The following NARS2 variants were observed in gnomAD, a reference collection of about 807,000 sequenced individuals.
NARS2 encodes asparaginyl-tRNA synthetase 2, mitochondrial, also known as asparaginyl-tRNA synthetase.
NARS2 carries 60 observed loss-of-function variants against 62.9 expected under a neutral mutation model. The ratio of observed to expected loss-of-function variants is 0.95; its 90% CI spans 0.77 to 1.18. The LOEUF is 1.18. Among genes scored for constraint, NARS2 ranks in the 50% most tolerant of loss-of-function variants. The pLI, the probability that NARS2 is intolerant of heterozygous loss-of-function variation, is 0.00. For missense variants in NARS2, 619 were observed against 576.4 expected, an observed-to-expected ratio of 1.07 and a Z score of -0.76; for synonymous variants, 196 against 200.0, an observed-to-expected ratio of 0.98 and a Z score of 0.17.
At chr11:78,509,782 G>A (rs1202434045) in intron 6 of NARS2, among the ~76,000 whole-genome samples, 4 of 146,952 alleles carry the variant, frequency 2.7e-5, no homozygotes, top group Admixed American at 2.1e-4. Flanking sequence ...AGCTGGGATC[G>A]TGCCACTGCA....
intron 9 of NARS2, among the ~76,000 whole-genome samples, chr11:78,469,739 A>C (rs1374671643): frequency 5.3e-5 from 8 of 151,394 alleles, no homozygotes; most frequent in Non-Finnish European, 1.0e-4. Flanking sequence ...TCATGGAGAC[A>C]ATGTGCGTGC....
intron 9 of NARS2, among the ~76,000 whole-genome samples, chr11:78,469,911 G>C (rs565355513): frequency 1.3e-5 from 2 of 152,282 alleles, no homozygotes; most frequent in East Asian, 3.9e-4. Context: ...GTCAAGAAAG[G>C]CCTAAGTTTG....
chr11:78,517,666 A>G (rs576112366), intron 6 of NARS2, among the ~76,000 whole-genome samples: 1 of 152,202 alleles, frequency 6.6e-6, no homozygotes, highest in African/African-American at 2.4e-5. Context: ...GTGATACCCA[A>G]CCCCTGGTTA....
chr11:78,526,524 T>C lies in NARS2; in HGVS notation c.689+2318A>G, dbSNP rs1348533369. ...TCTTATTGGAGAATAAATCATACTT[T>C]AATCAAAAACATTATGTTCTGCATA... On this transcript the variant is annotated intron_variant, in intron 6 of 13. Coordinates refer to ENST00000281038, the MANE Select transcript of NARS2 (RefSeq NM_024678.6). Among the ~76,000 whole-genome samples the C allele has an allele frequency of 2.6e-5, 4 of 152,196 alleles. No homozygotes were observed. In the South Asian group the frequency reaches 8.3e-4, roughly 31 times the overall value.
At chr11:78,563,902 A>ATTATTATTATTATTG (rs1373420713) in intron 4 of NARS2, among the ~76,000 whole-genome samples, 1 of 125,774 alleles carries the variant, frequency 8.0e-6, no homozygotes, top group African/African-American at 2.9e-5. Flanking sequence ...TATTATTATT[A>ATTATTATTATTATTG]TTATTATTAT....
intron 6 of NARS2, among the ~76,000 whole-genome samples, chr11:78,504,557 T>C (rs527770523): frequency 1.3e-5 from 2 of 152,232 alleles, no homozygotes; most frequent in Non-Finnish European, 2.9e-5. Flanking sequence ...TTATTTGTTA[T>C]CAGCTTTTAC....
chr11:78,458,906 GTTTTT>G (rs897526853), intron 11 of NARS2, among the ~76,000 whole-genome samples: 1 of 146,942 alleles, frequency 6.8e-6, no homozygotes, highest in Admixed American at 6.8e-5. Context: ...CTGATGGTGG[GTTTTT>G]TTTTTGTTTG....
At chr11:78,463,036 CTTACT>C (rs1188504119) in intron 11 of NARS2, among the ~76,000 whole-genome samples, 1 of 152,002 alleles carries the variant, frequency 6.6e-6, no homozygotes, top group Non-Finnish European at 1.5e-5. Context: ...AAAATATATT[CTTACT>C]TTATATTATT....
At chr11:78,475,951 C>T (rs929349431) in intron 9 of NARS2, among the ~76,000 whole-genome samples, 16 of 151,964 alleles carry the variant, frequency 1.1e-4, no homozygotes, top group Admixed American at 6.6e-5. Context: ...TATCTCAGTG[C>T]GGTTTTAATT....
At chr11:78,563,679 A>G (rs1856627039) in intron 4 of NARS2, among the ~76,000 whole-genome samples, 1 of 148,194 alleles carries the variant, frequency 6.7e-6, no homozygotes, top group African/African-American at 2.5e-5. Flanking sequence ...AAAAATACAA[A>G]AATTAGCTGG....
intron 4 of NARS2, among the ~76,000 whole-genome samples, chr11:78,565,005 G>A (rs553272765): frequency 6.6e-6 from 1 of 152,258 alleles, no homozygotes; most frequent in Admixed American, 6.5e-5. Context: ...CAAATTAGGT[G>A]GATCTGGAGA....
chr11:78,509,990 A>G (rs1172452595), intron 6 of NARS2, among the ~76,000 whole-genome samples: 1 of 152,166 alleles, frequency 6.6e-6, no homozygotes, highest in Non-Finnish European at 1.5e-5. Flanking sequence ...GAATATATGC[A>G]AAAGAAAATA....
At chr11:78,443,256 G>C (rs1857633768) in intron 12 of NARS2, among the ~76,000 whole-genome samples, 1 of 150,872 alleles carries the variant, frequency 6.6e-6, no homozygotes, top group Non-Finnish European at 1.5e-5. Context: ...AACCCCGGGA[G>C]GCAGAGCTTG....
chr11:78,461,856 G>A (rs1414797265), intron 11 of NARS2, among the ~76,000 whole-genome samples: 2 of 151,858 alleles, frequency 1.3e-5, no homozygotes, highest in African/African-American at 2.4e-5. Context: ...GGGAGGCTGA[G>A]GCAGGAGAAT....
chr11:78,475,919 C>T (rs1448007430), intron 9 of NARS2, among the ~76,000 whole-genome samples: 2 of 152,088 alleles, frequency 1.3e-5, no homozygotes, highest in African/African-American at 4.8e-5. Context: ...TGATAACAGC[C>T]ATTCTAACAG....
At chr11:78,474,370 A>G (rs1282275388) in intron 9 of NARS2, among the ~76,000 whole-genome samples, 2 of 152,200 alleles carry the variant, frequency 1.3e-5, no homozygotes, top group African/African-American at 4.8e-5. Context: ...TAAAAAAATA[A>G]ATCAATGTTT....
chr11:78,459,930 T>C (rs977717318), intron 11 of NARS2, among the ~76,000 whole-genome samples: 4 of 152,226 alleles, frequency 2.6e-5, no homozygotes, highest in Admixed American at 6.5e-5. Context: ...CAGGGGCCTC[T>C]GACTCAGACT....
chr11:78,491,452 G>A lies in NARS2; in HGVS notation c.822+1611C>T, dbSNP rs569399608. On this transcript the variant is annotated intron_variant, in intron 7 of 13. Coordinates refer to ENST00000281038, the MANE Select transcript of NARS2 (RefSeq NM_024678.6). The stretch of plus-strand genomic sequence containing the variant: ...CCAGGAATATTACTAACTGCTGATG[G>A]TTTATAGTTGAGTGCTTCATCAGGA... 2.6e-3 allele frequency among the ~76,000 whole-genome samples: 398 copies of A among 152,366 alleles called. 7 individuals are homozygous for A. Among genetic ancestry groups the A allele is most frequent in the Middle Eastern group, 0.02 (6 of 294 alleles).
intron 6 of NARS2, among the ~76,000 whole-genome samples, chr11:78,527,724 AT>A (rs1861340921): frequency 6.6e-6 from 1 of 152,182 alleles, no homozygotes; most frequent in South Asian, 2.1e-4. Context: ...TCCAGAAAAG[AT>A]TTTTTTAAGT....
Sources: gnomAD v4.1 joint callset for allele counts (sites outside exome capture counted in the v4.1 genomes callset) on GRCh38, gnomAD v4.1.1 for gene constraint, MANE v1.5 for transcripts, NCBI Gene and HGNC (gene_info 2026-07-23, HGNC 2026-07-21) for gene names.